The following DDX10 variants were observed in gnomAD, a reference collection of about 807,000 sequenced individuals.
DDX10 encodes the protein probable ATP-dependent RNA helicase DDX10.
In DDX10, 74 loss-of-function variants were observed where a neutral mutation model predicts 104.3. The observed-to-expected ratio is 0.71, with a 90% CI of 0.59 to 0.86. The LOEUF is 0.86. DDX10 is among the 40% of genes least tolerant of loss of function. The probability of loss-of-function intolerance (pLI) is 0.00; values close to 1 mark genes in which losing one functional copy is unlikely to be tolerated. For synonymous variants in DDX10, 351 were observed against 353.4 expected (o/e 0.99, Z 0.08); for missense variants, 952 against 1,040.0 (o/e 0.92, Z 1.16).
intron 9 of DDX10, among the ~76,000 whole-genome samples, chr11:108,697,937 C>T (rs11212760): frequency 0.12 from 18,672 of 151,960 alleles, 1,564 homozygotes; most frequent in East Asian, 0.27. Context: ...CTATTTTTTT[C>T]CCCCAGAATA....
chr11:108,866,331 G>A (rs1348955368), intron 16 of DDX10, among the ~76,000 whole-genome samples: 2 of 152,146 alleles, frequency 1.3e-5, no homozygotes, highest in Non-Finnish European at 2.9e-5. Context: ...AGATGAAGTA[G>A]GTTGAGAGGA....
At chr11:108,739,069 C>G (rs12801246) in intron 13 of DDX10, among the ~76,000 whole-genome samples, 4 of 152,134 alleles carry the variant, frequency 2.6e-5, no homozygotes, top group Admixed American at 1.3e-4. Flanking sequence ...AACTCTGCCC[C>G]CCCAGGGAGA....
chr11:108,858,300 G>T (rs1862897853), intron 16 of DDX10, among the ~76,000 whole-genome samples: 1 of 152,070 alleles, frequency 6.6e-6, no homozygotes, highest in Non-Finnish European at 1.5e-5. Context: ...CGTGTTACTT[G>T]GTGATTGTCT....
chr11:108,736,932 G>T (rs2094319142), intron 13 of DDX10, among the ~76,000 whole-genome samples: 1 of 152,208 alleles, frequency 6.6e-6, no homozygotes, highest in Non-Finnish European at 1.5e-5. Context: ...TTAAGAAGAA[G>T]AATTAATATA....
chr11:108,862,987 A>G (rs1018484902), intron 16 of DDX10, among the ~76,000 whole-genome samples: 1 of 152,252 alleles, frequency 6.6e-6, no homozygotes, highest in African/African-American at 2.4e-5. Context: ...AGCTTGAAAG[A>G]TCATCTAATA....
intron 1 of DDX10, 23 bp from the exon 2 acceptor site, chr11:108,673,444 G>T: frequency 6.6e-7 from 1 of 1,513,258 alleles, no homozygotes; most frequent in South Asian, 1.1e-5. Context: ...GAGTTACCCT[G>T]ATTCCTTTTT....
At chr11:108,705,243 G>T (rs2094274176) in intron 9 of DDX10, among the ~76,000 whole-genome samples, 1 of 152,086 alleles carries the variant, frequency 6.6e-6, no homozygotes, top group Non-Finnish European at 1.5e-5. Flanking sequence ...CCTTGTTCAT[G>T]CCATTCTCCT....
chr11:108,871,511 G>C (rs1863081702), intron 16 of DDX10, among the ~76,000 whole-genome samples: 1 of 152,142 alleles, frequency 6.6e-6, no homozygotes, highest in Non-Finnish European at 1.5e-5. Context: ...AGAAAAGAAA[G>C]AAATATCTTT....
chr11:108,808,117 AG>A (rs1336636709), intron 13 of DDX10, among the ~76,000 whole-genome samples: 2 of 152,212 alleles, frequency 1.3e-5, no homozygotes, highest in African/African-American at 4.8e-5. Context: ...TGAGTGAGTG[AG>A]GGGAGAAAAC....
At chr11:108,746,107 T>C (rs2094331589) in intron 13 of DDX10, among the ~76,000 whole-genome samples, 1 of 152,178 alleles carries the variant, frequency 6.6e-6, no homozygotes, top group Admixed American at 6.5e-5. Context: ...ACCACTAATC[T>C]ATTTTCTGTC....
chr11:108,865,482 A>G (rs1321476583), intron 16 of DDX10, among the ~76,000 whole-genome samples: 1 of 152,178 alleles, frequency 6.6e-6, no homozygotes, highest in Admixed American at 6.5e-5. Context: ...GAAATACAGC[A>G]GGAGACTAAC....
At chr11:108,715,769 A>C (rs946779766) in intron 10 of DDX10, 110 bp from the exon 11 acceptor site, 2 of 632,890 alleles carry the variant, frequency 3.2e-6, no homozygotes, top group Admixed American at 5.9e-5. Context: ...CATAGATGAG[A>C]AATAGTTATA....
intron 13 of DDX10, among the ~76,000 whole-genome samples, chr11:108,774,668 C>T (rs2094367577): frequency 6.6e-6 from 1 of 151,910 alleles, no homozygotes; most frequent in South Asian, 2.1e-4. Flanking sequence ...ACCTTTTAAC[C>T]CTATAGTCTT....
intron 16 of DDX10, among the ~76,000 whole-genome samples, chr11:108,903,419 G>A (rs971216407): frequency 6.6e-6 from 1 of 152,144 alleles, no homozygotes; most frequent in Non-Finnish European, 1.5e-5. Flanking sequence ...TGGTACATTT[G>A]GCTTTCCATA....
At chr11:108,684,753 C>G (rs1266042652) in intron 6 of DDX10, among the ~76,000 whole-genome samples, 1 of 147,860 alleles carries the variant, frequency 6.8e-6, no homozygotes, top group Admixed American at 6.7e-5. Context: ...ATTTCTAGTT[C>G]TAGATCCCCG....
intron 13 of DDX10, among the ~76,000 whole-genome samples, chr11:108,802,514 A>G (rs936047958): frequency 2.0e-5 from 3 of 152,226 alleles, no homozygotes; most frequent in African/African-American, 7.2e-5. Flanking sequence ...TATGGTTGCA[A>G]TAGAGCAGCC....
At chr11:108,728,730 A>G (rs1227554615) in intron 13 of DDX10, among the ~76,000 whole-genome samples, 1 of 152,022 alleles carries the variant, frequency 6.6e-6, no homozygotes, top group East Asian at 1.9e-4. Flanking sequence ...GTTCCCCAGG[A>G]TGGTCTCAAA....
rs117232973 is a variant in DDX10, at chr11:108,724,115, A to G, written c.1965+653A>G. 3.1e-3 allele frequency among the ~76,000 whole-genome samples: 475 copies of G among 152,130 alleles called. 1 individual carries two copies. Among genetic ancestry groups the G allele is most frequent in the Middle Eastern group, 0.014 (4 of 294 alleles). On this transcript the variant is annotated intron_variant, in intron 13 of 17. Transcript: ENST00000322536. Reference sequence around the variant, plus strand: ...TCTCCCTTATTCCCCTTCCTACTTCATATGCCTTTATTCTTGATCATCTTT... The same window carrying G: ...TCTCCCTTATTCCCCTTCCTACTTCGTATGCCTTTATTCTTGATCATCTTT...
At chr11:108,900,840 G>T (rs1863508087) in intron 16 of DDX10, among the ~76,000 whole-genome samples, 1 of 152,068 alleles carries the variant, frequency 6.6e-6, no homozygotes, top group Non-Finnish European at 1.5e-5. Context: ...TCGAAAGAAG[G>T]GTGACTTGGT....
Sources: allele counts gnomAD v4.1 joint callset (sites outside exome capture counted in the v4.1 genomes callset), GRCh38; gene constraint gnomAD v4.1.1; transcripts MANE v1.5; gene names NCBI Gene and HGNC (gene_info 2026-07-23, HGNC 2026-07-21).